Variants in SLC35A1 observed in about 807,000 individuals in gnomAD.
SLC35A1 encodes solute carrier family 35 member A1.
Under a neutral mutation model 40.3 loss-of-function variants are expected in SLC35A1, and 21 were observed. The observed-to-expected ratio is 0.52, with a 90% CI of 0.37 to 0.75. The LOEUF (loss-of-function observed/expected upper bound fraction) is 0.75. SLC35A1 is among the 30% of genes least tolerant of loss of function. SLC35A1 has a pLI of 0.00. For synonymous variants in SLC35A1, 146 were observed against 147.3 expected, an observed-to-expected ratio of 0.99 and a Z score of 0.06; for missense variants, 297 against 382.1, an observed-to-expected ratio of 0.78 and a Z score of 1.86.
rs1770282264 is a variant in SLC35A1 at position 87,511,743 on chromosome 6, G to C, written c.*217G>C. 1.8e-6 allele frequency: 1 copy of C among 564,876 alleles called. No homozygotes were observed. Among genetic ancestry groups the C allele is most frequent in the Non-Finnish European group, 3.2e-6 (1 of 314,820 alleles). The allele number at this position is 564,876 out of a possible 1,614,324, so 35.0% of individuals were successfully genotyped here. On this transcript the variant is annotated 3_prime_UTR_variant, in exon 8 of 8. Transcript: ENST00000369552. ...CTGTTTGGGGTCTACTATTGTTTTA[G>C]AATGAAGGAATTGTATTATTGTGTG... is the stretch of plus-strand genomic sequence containing the variant.
At chr6:87,473,384 T>A (rs1308124969) in intron 1 of SLC35A1, among the ~76,000 whole-genome samples, 1 of 151,916 alleles carries the variant, frequency 6.6e-6, no homozygotes, top group Non-Finnish European at 1.5e-5. Context: ...GGCAGGACAG[T>A]TCTTCACCCT....
intron 2 of SLC35A1, among the ~76,000 whole-genome samples, chr6:87,486,461 C>T (rs1488497675): frequency 6.6e-6 from 1 of 151,994 alleles, no homozygotes; most frequent in African/African-American, 2.4e-5. Flanking sequence ...CCTATCAAAC[C>T]TCAATTATAT....
Position 87,500,522 on chromosome 6 carries a change from T to A in SLC35A1, c.209T>A (p.Leu70Gln). 6.2e-7 allele frequency: 1 copy of A among 1,614,096 alleles called. No homozygotes were observed. The highest frequency in any genetic ancestry group is 8.5e-7 in the Non-Finnish European group (1 of 1,179,986). ...TGTTTTCAAAGAGAAACTGGTAGTC[T>A]GGGTAGATTCAAAGCATCTTTAAGA... ...VGILAKETGS[L>Q]GRFKASLREN... is the part of the protein sequence containing the mutation. The change falls in exon 3 of 8, where the codon CTG (leucine) becomes CAG (glutamine). Residue 70 changes from leucine (L) to glutamine (Q), a missense_variant. Leu to Gln is a moderately radical substitution (Grantham distance 113). Transcript: ENST00000369552.
chr6:87,481,569 A>G (rs1769245435), intron 2 of SLC35A1, among the ~76,000 whole-genome samples: 1 of 152,192 alleles, frequency 6.6e-6, no homozygotes, highest in Admixed American at 6.5e-5. Flanking sequence ...TATATTTGAC[A>G]GTGCTTCCTG....
intron 2 of SLC35A1, among the ~76,000 whole-genome samples, chr6:87,486,234 G>A (rs1405155535): frequency 6.6e-6 from 1 of 152,144 alleles, no homozygotes; most frequent in Non-Finnish European, 1.5e-5. Context: ...GGAGTGGGAG[G>A]TGGGGGCAGA....
At chr6:87,491,218 A>G (rs1769542745) in intron 2 of SLC35A1, among the ~76,000 whole-genome samples, 1 of 152,238 alleles carries the variant, frequency 6.6e-6, no homozygotes, top group Non-Finnish European at 1.5e-5. Flanking sequence ...CTGAAATCCA[A>G]AGGGCTCTAA....
At chr6:87,480,398 G>A (rs536834771) in intron 2 of SLC35A1, among the ~76,000 whole-genome samples, 14 of 152,320 alleles carry the variant, frequency 9.2e-5, no homozygotes, top group African/African-American at 2.4e-4. Flanking sequence ...CTAGCCTACC[G>A]TGCACACAAG....
At chr6:87,500,724 T>A in intron 3 of SLC35A1, 57 bp downstream of exon 3, 3 of 1,542,880 alleles carry the variant, frequency 1.9e-6, no homozygotes, top group Non-Finnish European at 1.8e-6. Context: ...AAAAGAGTTT[T>A]TATTAACTCT....
chr6:87,490,332 A>C (rs1208120504), intron 2 of SLC35A1, among the ~76,000 whole-genome samples: 1 of 140,378 alleles, frequency 7.1e-6, no homozygotes, highest in African/African-American at 2.7e-5. Flanking sequence ...ATATATTGTC[A>C]TCATTTTTTT....
At chr6:87,475,761 G>A (rs978444811) in intron 1 of SLC35A1, among the ~76,000 whole-genome samples, 2 of 152,192 alleles carry the variant, frequency 1.3e-5, no homozygotes, top group Admixed American at 1.3e-4. Context: ...GGCTCCCAAA[G>A]CAGTGAACAA....
chr6:87,479,034 A>G (rs954816678), intron 2 of SLC35A1, among the ~76,000 whole-genome samples: 1 of 152,242 alleles, frequency 6.6e-6, no homozygotes, highest in African/African-American at 2.4e-5. Context: ...AAAAATGGTT[A>G]TGGCAGAGCA....
chr6:87,484,138 T>C (rs550751350), intron 2 of SLC35A1, among the ~76,000 whole-genome samples: 1 of 152,266 alleles, frequency 6.6e-6, no homozygotes, highest in South Asian at 2.1e-4. Context: ...TTACCTCAGG[T>C]TGCCAGCCGG....
chr6:87,511,252 A>T, intron 7 of SLC35A1, 147 bp from the exon 8 acceptor site: 2 of 817,410 alleles, frequency 2.4e-6, no homozygotes, highest in Non-Finnish European at 3.9e-6. Context: ...TTTTGGCTGT[A>T]ATGGAAGACC....
chr6:87,511,236 C>T (rs1770259375), intron 7 of SLC35A1, among the ~76,000 whole-genome samples, 163 bp from the exon 8 acceptor site: 1 of 152,100 alleles, frequency 6.6e-6, no homozygotes, highest in African/African-American at 2.4e-5. Flanking sequence ...CTCCCCCTCT[C>T]CTTTTTTTTG....
chr6:87,504,238 C>A (rs1310183886), intron 4 of SLC35A1, among the ~76,000 whole-genome samples: 7 of 149,770 alleles, frequency 4.7e-5, no homozygotes, highest in Non-Finnish European at 3.0e-5. Context: ...CTGTAGTGAA[C>A]CATGATTATA....
chr6:87,478,752 T>C (rs1295083854), intron 2 of SLC35A1, among the ~76,000 whole-genome samples: 12 of 152,226 alleles, frequency 7.9e-5, no homozygotes, highest in Admixed American at 7.9e-4. Context: ...AAATAAAGTT[T>C]CAGTGCCACA....
intron 1 of SLC35A1, among the ~76,000 whole-genome samples, chr6:87,474,531 G>A (rs1769014435): frequency 6.6e-6 from 1 of 152,102 alleles, no homozygotes; most frequent in South Asian, 2.1e-4. Flanking sequence ...ACTGGCATTG[G>A]GTGTGATTTG....
chr6:87,488,654 T>G (rs1769455272), intron 2 of SLC35A1: 1 of 152,164 alleles, frequency 6.6e-6, no homozygotes, highest in Non-Finnish European at 1.5e-5. Context: ...GTGTGCAAAT[T>G]AGAATCTTCA....
chr6:87,509,231 T>G, intron 7 of SLC35A1, 56 bp downstream of exon 7: 1 of 1,604,904 alleles, frequency 6.2e-7, no homozygotes, highest in Non-Finnish European at 8.5e-7. Context: ...ATTTCCTTGA[T>G]TCATTTAATC....
Sources: gnomAD v4.1 joint callset for allele counts (sites outside exome capture counted in the v4.1 genomes callset) on GRCh38, gnomAD v4.1.1 for gene constraint, MANE v1.5 for transcripts, NCBI Gene and HGNC (gene_info 2026-07-23, HGNC 2026-07-21) for gene names.